The following SPHKAP variants were observed in gnomAD, a reference collection of about 807,000 sequenced individuals.
SPHKAP encodes A-kinase anchor protein SPHKAP.
In SPHKAP, 67 loss-of-function variants were observed where a neutral mutation model predicts 137.5. That is an observed-to-expected ratio of 0.49 (90% CI 0.40 to 0.60). The LOEUF (loss-of-function observed/expected upper bound fraction) is 0.60, where lower values mean the gene tolerates loss of function less well. Among genes scored for constraint, SPHKAP ranks in the 20% least tolerant of loss-of-function variants. The probability of loss-of-function intolerance (pLI) is 0.00; values close to 1 mark genes in which losing one functional copy is unlikely to be tolerated. For missense variants in SPHKAP, 2,097 were observed against 2,069.3 expected (o/e 1.01, Z -0.26); for synonymous variants, 813 against 785.3 (o/e 1.04, Z -0.59).
chr2:228,016,468 G>A lies in SPHKAP; in HGVS notation c.4386C>T (p.Asp1462=), dbSNP rs1477639136. 2 of 1,612,114 alleles carry A rather than the reference G, an allele frequency of 1.2e-6. No individual in the cohort carries two copies. Among genetic ancestry groups the A allele is most frequent in the South Asian group, 2.2e-5 (2 of 90,842 alleles). ...CTCTCACCACATCTGGGATGTTTTT[G>A]TCATTCGAATGCCCTTCTGCTTCCT... is the stretch of plus-strand genomic sequence containing the variant. ...LLEEAEGHSN[D]KNIPDVVRGG... The change falls in exon 7 of 12, where the codon GAC becomes GAT. Residue 1462 remains aspartate, a synonymous_variant. Transcript: ENST00000392056.
At chr2:228,022,063 G>A (rs1694862425) in intron 5 of SPHKAP, 97 bp from the exon 6 acceptor site, 1 of 1,422,112 alleles carries the variant, frequency 7.0e-7, no homozygotes. Flanking sequence ...CCTGTTAATA[G>A]GAGTGGGGAC....
At chr2:228,155,810 G>T (rs1258526637) in intron 1 of SPHKAP, among the ~76,000 whole-genome samples, 1 of 152,174 alleles carries the variant, frequency 6.6e-6, no homozygotes, top group Non-Finnish European at 1.5e-5. Context: ...ATCTTTGAGA[G>T]AAATCCTATA....
At chr2:228,149,679 T>G (rs1441872551) in intron 1 of SPHKAP, among the ~76,000 whole-genome samples, 1 of 152,152 alleles carries the variant, frequency 6.6e-6, no homozygotes, top group African/African-American at 2.4e-5. Context: ...TCCTAGAAAT[T>G]TCACATTTAT....
At chr2:228,093,859 C>CAGAA (rs1491208925) in intron 3 of SPHKAP, among the ~76,000 whole-genome samples, 1 of 77,110 alleles carries the variant, frequency 1.3e-5, no homozygotes, top group East Asian at 4.1e-4. Context: ...GACTCCGTTT[C>CAGAA]AAAAAAAAAA....
In SPHKAP at chr2:228,108,685, G is replaced by C. The variant is rs1436233229; in HGVS notation, c.246+147C>G. The stretch of plus-strand genomic sequence containing the variant: ...AGCTCTGAATGCTATTTTGTTAACT[G>C]TCCATATAAACCCGCTATGTATTTT... On this transcript the variant is annotated intron_variant, in intron 3 of 11. Transcript: ENST00000392056. 5.5e-5 allele frequency: 31 copies of C among 563,218 alleles called. No homozygotes were observed. The Admixed American group carries it at 1.1e-3, about 20-fold the overall frequency. 34.9% of individuals were successfully genotyped at this position (563,218 alleles called of 1,614,324 possible).
rs537578931 is a variant in SPHKAP at position 228,061,332 on chromosome 2, C to T, written c.247-33789G>A. On this transcript the variant is annotated intron_variant, in intron 3 of 11. Transcript: ENST00000392056. ...GCTGGATTGTGCAGTGGCGTGATCT[C>T]GGCTCACTGCAACCTTTGCCTCCTG... Among the ~76,000 whole-genome samples the T allele has an allele frequency of 2.6e-4, 39 of 152,140 alleles. No individual in the cohort carries two copies. In the South Asian group the frequency reaches 6.8e-3, roughly 27 times the overall value.
chr2:228,113,618 TC>T (rs2106353774), intron 2 of SPHKAP, among the ~76,000 whole-genome samples: 1 of 138,256 alleles, frequency 7.2e-6, no homozygotes, highest in East Asian at 2.0e-4. Flanking sequence ...TCTCTCTCTC[TC>T]TCTCTCTCTC....
intron 7 of SPHKAP, among the ~76,000 whole-genome samples, chr2:228,001,396 T>C (rs1693870122): frequency 7.0e-6 from 1 of 142,844 alleles, no homozygotes; most frequent in Non-Finnish European, 1.5e-5. Context: ...CATATATAAA[T>C]ATATATACAT....
intron 1 of SPHKAP, among the ~76,000 whole-genome samples, chr2:228,141,663 A>G (rs567014675): frequency 2.6e-4 from 40 of 152,314 alleles, no homozygotes; most frequent in Non-Finnish European, 5.0e-4. Context: ...CCAAGAGAAC[A>G]CAGAATTTAA....
intron 2 of SPHKAP, among the ~76,000 whole-genome samples, chr2:228,110,619 C>A (rs1698488549): frequency 1.5e-5 from 2 of 133,296 alleles, no homozygotes. Context: ...GATAATAATA[C>A]TAAGATGTTA....
intron 3 of SPHKAP, among the ~76,000 whole-genome samples, chr2:228,082,097 A>G (rs1196587923): frequency 6.6e-6 from 1 of 152,208 alleles, no homozygotes; most frequent in Non-Finnish European, 1.5e-5. Context: ...AAACAAATAA[A>G]TACTCTATTT....
At chr2:228,046,141 A>T (rs1431487274) in intron 3 of SPHKAP, among the ~76,000 whole-genome samples, 1 of 152,142 alleles carries the variant, frequency 6.6e-6, no homozygotes, top group African/African-American at 2.4e-5. Context: ...GATTACAGTA[A>T]TCAGTACACA....
At chr2:228,144,750 A>C (rs1699717526) in intron 1 of SPHKAP, among the ~76,000 whole-genome samples, 6 of 152,168 alleles carry the variant, frequency 3.9e-5, no homozygotes, top group Admixed American at 3.3e-4. Flanking sequence ...CTTTCCTTTG[A>C]AATCAAATGA....
chr2:228,049,976 A>G (rs1410013347), intron 3 of SPHKAP, among the ~76,000 whole-genome samples: 1 of 152,178 alleles, frequency 6.6e-6, no homozygotes, highest in Non-Finnish European at 1.5e-5. Context: ...TCTATAAGAA[A>G]CTGCAATAAC....
intron 7 of SPHKAP, among the ~76,000 whole-genome samples, chr2:228,008,767 G>A (rs1694244578): frequency 6.7e-6 from 1 of 148,926 alleles, no homozygotes; most frequent in Non-Finnish European, 1.5e-5. Context: ...TATTGCCTTT[G>A]TTTCTTTGTC....
Position 228,108,883 on chromosome 2 carries a change from C to G in SPHKAP, c.195G>C (p.Arg65Ser), listed in dbSNP as rs750315021. Residue 65 changes from arginine (R) to serine (S), a missense_variant, in exon 3 of 12, where the codon AGG becomes AGC. Transcript: ENST00000392056. ...CTACAAAACCAATTTGGCAGGGCATCCTCTGATTCTGCAACCAGTAGTCTG... is the reference window on the plus strand; with the variant it reads ...CTACAAAACCAATTTGGCAGGGCATGCTCTGATTCTGCAACCAGTAGTCTG... ...ESTDYWLQNQ[R>S]MPCQIGFVED... is the part of the protein sequence containing the mutation. The G allele has an allele frequency of 6.2e-7, 1 of 1,610,340 alleles. No homozygotes were observed. The highest frequency in any genetic ancestry group is 1.1e-5 in the South Asian group (1 of 90,516).
intron 3 of SPHKAP, among the ~76,000 whole-genome samples, chr2:228,092,923 G>T (rs571962262): frequency 1.8e-4 from 27 of 152,136 alleles, no homozygotes; most frequent in South Asian, 1.2e-3. Flanking sequence ...ATGGGAACAG[G>T]TTGAGGGATA....
chr2:228,079,800 C>A (rs1220207135), intron 3 of SPHKAP, among the ~76,000 whole-genome samples: 1 of 152,198 alleles, frequency 6.6e-6, no homozygotes, highest in African/African-American at 2.4e-5. Flanking sequence ...CCCAGTGGAT[C>A]CTGGCCTCTG....
intron 11 of SPHKAP, among the ~76,000 whole-genome samples, chr2:227,982,584 G>A (rs1452589640): frequency 6.6e-6 from 1 of 152,210 alleles, no homozygotes; most frequent in African/African-American, 2.4e-5. Context: ...GAAGTCCAGT[G>A]TGAAGGACTC....
Sources: allele counts gnomAD v4.1 joint callset (sites outside exome capture counted in the v4.1 genomes callset), GRCh38; gene constraint gnomAD v4.1.1; transcripts MANE v1.5; gene names NCBI Gene and HGNC (gene_info 2026-07-23, HGNC 2026-07-21).